MYBL1: variants seen among roughly 807,000 people sequenced by gnomAD.
The protein encoded by MYBL1 is MYB proto-oncogene like 1, also known as myb-related protein A.
A neutral mutation model predicts 96.3 loss-of-function variants in MYBL1; 17 were observed. The observed-to-expected ratio is 0.18, with a 90% confidence interval of 0.12 to 0.26. The LOEUF is 0.26. Among genes scored for constraint, MYBL1 ranks in the 10% least tolerant of loss-of-function variants. The probability of loss-of-function intolerance (pLI) is 1.00; values close to 1 mark genes in which losing one functional copy is unlikely to be tolerated. For missense variants in MYBL1, 701 were observed against 882.9 expected, an observed-to-expected ratio of 0.79 and a Z score of 2.61; for synonymous variants, 282 against 292.7, an observed-to-expected ratio of 0.96 and a Z score of 0.37.
intron 9 of MYBL1, among the ~76,000 whole-genome samples, chr8:66,579,861 A>C (rs1809128034): frequency 6.6e-6 from 1 of 152,158 alleles, no homozygotes; most frequent in Non-Finnish European, 1.5e-5. Flanking sequence ...TCTTTTTTAT[A>C]GTTTTCTCTA....
intron 4 of MYBL1, among the ~76,000 whole-genome samples, chr8:66,597,900 A>T (rs1032769177): frequency 6.6e-6 from 1 of 151,600 alleles, no homozygotes; most frequent in African/African-American, 2.4e-5. Context: ...AAAAAACAAA[A>T]ATACAATTAG....
rs1055741495 is a variant in MYBL1 at position 66,607,137 on chromosome 8, A to C, written c.21-4614T>G. 3.2e-3 allele frequency among the ~76,000 whole-genome samples: 489 copies of C among 150,996 alleles called. 1 individual carries two copies. The highest frequency in any genetic ancestry group is 0.011 in the East Asian group (59 of 5,144). ...AAACTGTGTTAAAACAACAAAAAAA[A>C]AAAAAAAAAAAAACTCTACAGGCTT... On this transcript the variant is annotated intron_variant, in intron 1 of 15. Coordinates refer to ENST00000522677, the MANE Select transcript of MYBL1 (RefSeq NM_001080416.4).
At chr8:66,600,361 C>A (rs1166267829) in intron 3 of MYBL1, among the ~76,000 whole-genome samples, 1 of 152,162 alleles carries the variant, frequency 6.6e-6, no homozygotes, top group African/African-American at 2.4e-5. Flanking sequence ...TATTTTTATT[C>A]AAACTCAGCT....
At chr8:66,576,596 A>G (rs553494109) in intron 9 of MYBL1, among the ~76,000 whole-genome samples, 1 of 152,324 alleles carries the variant, frequency 6.6e-6, no homozygotes, top group East Asian at 1.9e-4. Context: ...CAGTAGTTGA[A>G]GCTTACTGTC....
chr8:66,612,970 C>A lies in MYBL1; in HGVS notation c.-132G>T. 1 of 1,043,194 alleles carries A rather than the reference C, an allele frequency of 9.6e-7. No individual in the cohort carries two copies. Among genetic ancestry groups the A allele is most frequent in the Admixed American group, 3.5e-5 (1 of 28,426 alleles). 64.6% of individuals were successfully genotyped at this position (1,043,194 alleles called of 1,614,324 possible). On this transcript the variant is annotated 5_prime_UTR_variant, in exon 1 of 16. Transcript: ENST00000522677. ...CCTCTGGAGGCGGCCGAGTGCGGAA[C>A]GCACGTCCTCGACAGGGCAGGACGG...
At chr8:66,608,751 G>A (rs1810418239) in intron 1 of MYBL1, among the ~76,000 whole-genome samples, 1 of 152,048 alleles carries the variant, frequency 6.6e-6, no homozygotes, top group South Asian at 2.1e-4. Flanking sequence ...CTGGTAATAT[G>A]TAATAATTTA....
intron 12 of MYBL1, among the ~76,000 whole-genome samples, chr8:66,572,046 C>T (rs1473454606): frequency 2.7e-5 from 4 of 149,964 alleles, no homozygotes; most frequent in African/African-American, 4.9e-5. Context: ...TGGTGGCTCA[C>T]GCTTGTAATC....
At chr8:66,594,577 T>G (rs1052169481) in intron 6 of MYBL1, among the ~76,000 whole-genome samples, 10 of 152,148 alleles carry the variant, frequency 6.6e-5, no homozygotes, top group Admixed American at 6.6e-4. Flanking sequence ...AAAATAAATT[T>G]AAATGATAAA....
intron 8 of MYBL1, among the ~76,000 whole-genome samples, chr8:66,589,886 A>T (rs561407857): frequency 2.0e-5 from 3 of 152,314 alleles, no homozygotes; most frequent in Admixed American, 2.0e-4. Context: ...AAACTGCAAC[A>T]TAGGGAAATC....
chr8:66,566,013 T>C (rs1808488459), intron 15 of MYBL1, 51 bp downstream of exon 15: 2 of 1,233,166 alleles, frequency 1.6e-6, no homozygotes, highest in Non-Finnish European at 2.2e-6. Context: ...TCCAAAGTGA[T>C]CATTGACTAA....
At position 66,576,321 on chromosome 8, in the gene MYBL1, A is replaced by C; in HGVS notation, c.1156T>G (p.Ser386Ala). ...TSFDISDAAA[S>A]PIKSTPVKLM... ...TTAACTGGGGTGGATTTGATAGGAG[A>C]AGCAGCAGCATCAGAAATATCAAAA... Residue 386 changes from serine to alanine, a missense_variant, in exon 10 of 16, where the codon TCT becomes GCT. Ser to Ala is a moderately conservative substitution (Grantham distance 99). Around this residue, in one of 5 missense-constraint regions of MYBL1, gnomAD observed 396 missense variants for 407.4 expected, o/e 0.97. Coordinates refer to ENST00000522677, the MANE Select transcript of MYBL1 (RefSeq NM_001080416.4). The C allele has an allele frequency of 6.2e-7, 1 of 1,613,820 alleles. No individual in the cohort carries two copies. Among genetic ancestry groups the C allele is most frequent in the Non-Finnish European group, 8.5e-7 (1 of 1,179,826 alleles).
chr8:66,566,951 A>C lies in MYBL1; in HGVS notation c.1770T>G (p.Val590=). 6.2e-7 allele frequency: 1 copy of C among 1,613,144 alleles called. No homozygotes were observed. Among genetic ancestry groups the C allele is most frequent in the South Asian group, 1.1e-5 (1 of 90,980 alleles). ...LAFLEEDIRE[V]LKEETGTDLF... is the part of the protein sequence containing the mutation. Reference sequence around the variant, plus strand: ...GGTCTGTTCCAGTTTCTTCTTTTAAAACTTCCCGAATATCTTCTTCCAAGA... The same window carrying C: ...GGTCTGTTCCAGTTTCTTCTTTTAACACTTCCCGAATATCTTCTTCCAAGA... The change falls in exon 13 of 16, where the codon GTT becomes GTG. Residue 590 remains valine, a synonymous_variant. Coordinates refer to ENST00000522677, the MANE Select transcript of MYBL1 (RefSeq NM_001080416.4).
At chr8:66,578,375 A>C (rs1444160130) in intron 9 of MYBL1, among the ~76,000 whole-genome samples, 2 of 152,112 alleles carry the variant, frequency 1.3e-5, no homozygotes, top group African/African-American at 4.8e-5. Context: ...AACTCAAACA[A>C]ATTTACAAGA....
Position 66,566,128 on chromosome 8 carries a change from G to A in MYBL1, c.2066C>T (p.Thr689Ile), listed in dbSNP as rs899475458. ...QDINSTNKTY[T>I]LTKKKPNPNT... The stretch of plus-strand genomic sequence containing the variant: ...AGGGTTTGGTTTCTTTTTAGTAAGT[G>A]TATATGTTTTGTTGGTTGAATTTAT... The change falls in exon 15 of 16, where the codon ACA becomes ATA. Residue 689 changes from threonine to isoleucine, a missense_variant. Transcript: ENST00000522677. 1.9e-6 allele frequency: 3 copies of A among 1,545,508 alleles called. No individual in the cohort carries two copies. The highest frequency in any genetic ancestry group is 3.9e-5 in the Admixed American group (2 of 50,836).
intron 1 of MYBL1, among the ~76,000 whole-genome samples, chr8:66,611,686 A>G (rs1810533760): frequency 6.6e-6 from 1 of 152,236 alleles, no homozygotes; most frequent in Non-Finnish European, 1.5e-5. Flanking sequence ...ACTTACTTCA[A>G]AACTAATAAG....
intron 12 of MYBL1, among the ~76,000 whole-genome samples, chr8:66,570,979 C>T (rs1407081587): frequency 1.3e-5 from 2 of 151,964 alleles, no homozygotes; most frequent in Admixed American, 1.3e-4. Context: ...CCCTTTAACA[C>T]AGTATTTTGA....
chr8:66,566,674 C>T lies in MYBL1; in HGVS notation c.1950+10G>A, dbSNP rs767704634. The T allele has an allele frequency of 8.4e-6, 13 of 1,547,600 alleles. No homozygotes were observed. In the South Asian group the frequency reaches 1.5e-4, roughly 18 times the overall value. ...ATTTAAAATAACAACAATAATAATC[C>T]TTTACAAACCTGCATGTCTGAAATG... On this transcript the variant is annotated intron_variant, in intron 14 of 15. Transcript: ENST00000522677.
In MYBL1 at chr8:66,575,632, A is replaced by C. The variant is rs140139035; in HGVS notation, c.1470+375T>G. 2.0e-3 allele frequency among the ~76,000 whole-genome samples: 299 copies of C among 152,228 alleles called. 2 individuals carry two copies. The highest frequency in any genetic ancestry group is 6.5e-3 in the African/African-American group (271 of 41,542). ...TGGTAAAACCCCATCTCTACAAAAAATACAAAAATTAGCTAGGTGTGGTGG... is the reference window on the plus strand; with the variant it reads ...TGGTAAAACCCCATCTCTACAAAAACTACAAAAATTAGCTAGGTGTGGTGG... On this transcript the variant is annotated intron_variant, in intron 10 of 15. Coordinates refer to ENST00000522677, the MANE Select transcript of MYBL1 (RefSeq NM_001080416.4).
chr8:66,601,828 A>G (rs1810085361), intron 2 of MYBL1, 59 bp from the exon 3 acceptor site: 1 of 791,594 alleles, frequency 1.3e-6, no homozygotes. Flanking sequence ...TCTACCCCTA[A>G]ATATAGATAA....
Sources: gnomAD v4.1 joint callset for allele counts (sites outside exome capture counted in the v4.1 genomes callset) on GRCh38, gnomAD v4.1.1 for gene constraint, gnomAD v4.1.1 regional missense constraint, MANE v1.5 for transcripts, NCBI Gene and HGNC (gene_info 2026-07-23, HGNC 2026-07-21) for gene names.